Variants in LAMA1 observed in about 807,000 individuals in gnomAD.
The protein encoded by LAMA1 is laminin subunit alpha-1.
In LAMA1, 219 loss-of-function variants were observed where a neutral mutation model predicts 348.7. That is an observed-to-expected ratio of 0.63 (90% CI 0.56 to 0.70). The LOEUF is 0.70. Among genes scored for constraint, LAMA1 ranks in the 30% least tolerant of loss-of-function variants. LAMA1 has a pLI of 0.00. For synonymous variants in LAMA1, 1,487 were observed against 1,491.0 expected (o/e 1.00, Z 0.06); for missense variants, 3,744 against 3,888.0 (o/e 0.96, Z 0.99).
At chr18:7,064,993 T>C (rs1463431502) in intron 3 of LAMA1, among the ~76,000 whole-genome samples, 1 of 151,966 alleles carries the variant, frequency 6.6e-6, no homozygotes. Context: ...CCCAGCACTT[T>C]GGGAGGGGGG....
At chr18:7,086,497 G>A (rs899249643) in intron 1 of LAMA1, among the ~76,000 whole-genome samples, 5 of 152,012 alleles carry the variant, frequency 3.3e-5, no homozygotes, top group Non-Finnish European at 7.4e-5. Flanking sequence ...AACCCCAGGC[G>A]AATGTCTTTG....
intron 36 of LAMA1, among the ~76,000 whole-genome samples, chr18:6,990,358 G>A (rs1195739956): frequency 6.6e-6 from 1 of 152,034 alleles, no homozygotes; most frequent in Non-Finnish European, 1.5e-5. Flanking sequence ...GGAGGGGAGA[G>A]CCCCACAAAA....
chr18:7,068,705 T>C (rs1037872968), intron 3 of LAMA1, among the ~76,000 whole-genome samples: 12 of 152,258 alleles, frequency 7.9e-5, no homozygotes, highest in African/African-American at 2.6e-4. Context: ...CTGAGGTTTT[T>C]ATAAGCCATG....
chr18:7,079,578 T>C, intron 3 of LAMA1: 2 of 319,210 alleles, frequency 6.3e-6, no homozygotes, highest in Non-Finnish European at 6.1e-6. Context: ...ATAATCCTTA[T>C]ACAATAACTT....
chr18:7,036,869 A>G (rs1176851133), intron 12 of LAMA1, among the ~76,000 whole-genome samples: 1 of 152,172 alleles, frequency 6.6e-6, no homozygotes, highest in African/African-American at 2.4e-5. Flanking sequence ...ACAAAACCAA[A>G]AACCCGGGAA....
chr18:7,105,129 G>T (rs1344940083), intron 1 of LAMA1, among the ~76,000 whole-genome samples: 1 of 152,114 alleles, frequency 6.6e-6, no homozygotes, highest in Non-Finnish European at 1.5e-5. Context: ...AGTGCATAAT[G>T]AATTATCAAT....
chr18:7,117,079 C>G (rs1467016405), intron 1 of LAMA1, among the ~76,000 whole-genome samples: 1 of 152,144 alleles, frequency 6.6e-6, no homozygotes, highest in Non-Finnish European at 1.5e-5. Context: ...GGTCCCCCTG[C>G]CCGGGACGGC....
In LAMA1 at chr18:7,057,798, C is replaced by CT. The variant is rs544422864; in HGVS notation, c.346-6863dup. Among the ~76,000 whole-genome samples, 540 of 133,190 alleles carry CT rather than the reference C, an allele frequency of 4.1e-3. 1 individual carries two copies. The highest frequency in any genetic ancestry group is 6.1e-3 in the East Asian group (19 of 3,114). The allele number at this position is 133,190 out of a possible 152,430, so 87.4% of individuals were successfully genotyped here. A position where few individuals can be genotyped will look rare whatever the true frequency, so the allele number is the denominator to read the frequency against. ...CCAGCCCAAAATTCTTTCTTTCTTT[C>CT]TTTTTTTTTTTTTTGAGATAGAGTC... On this transcript the variant is annotated intron_variant, in intron 3 of 62. Transcript: ENST00000389658.
At chr18:6,962,414 A>G (rs1039418640) in intron 51 of LAMA1, among the ~76,000 whole-genome samples, 4 of 116,292 alleles carry the variant, frequency 3.4e-5, no homozygotes, top group Non-Finnish European at 6.6e-5. Flanking sequence ...CCTGCCCCCC[A>G]AAACAAGAAA....
At position 6,961,960 on chromosome 18, in the gene LAMA1, T is replaced by C; in HGVS notation, c.7437A>G (p.Lys2479=). ...DLLRNSYGVR[K]GCLLEPIRSV... ...TGTTTCCTACCTCCAGTAAACAGCC[T>C]TTTCTCACTCCATAGGAATTTCTGA... The change falls in exon 52 of 63, where the codon AAA becomes AAG. Residue 2479 remains lysine, a synonymous_variant. Transcript: ENST00000389658. The C allele has an allele frequency of 6.2e-7, 1 of 1,613,836 alleles. No homozygotes were observed. Among genetic ancestry groups the C allele is most frequent in the Non-Finnish European group, 8.5e-7 (1 of 1,179,698 alleles).
In LAMA1 at chr18:7,102,636, C is replaced by A. The variant is rs529157977; in HGVS notation, c.61+15024G>T. Reference sequence around the variant, plus strand: ...TACAGGTGTCTGAGACTTTCAGAAACAGAAACCGCTCCCAAATCTGAACTG... The same window carrying A: ...TACAGGTGTCTGAGACTTTCAGAAAAAGAAACCGCTCCCAAATCTGAACTG... On this transcript the variant is annotated intron_variant, in intron 1 of 62. Coordinates refer to ENST00000389658, the MANE Select transcript of LAMA1 (RefSeq NM_005559.4). Among the ~76,000 whole-genome samples, 26 of 152,270 alleles carry A rather than the reference C, an allele frequency of 1.7e-4. No homozygotes were observed. In the South Asian group the frequency reaches 5.4e-3, roughly 32 times the overall value.
At chr18:7,022,349 A>G (rs1309354580) in intron 19 of LAMA1, among the ~76,000 whole-genome samples, 5 of 152,250 alleles carry the variant, frequency 3.3e-5, no homozygotes, top group Admixed American at 1.3e-4. Flanking sequence ...TGCTGTTATC[A>G]TAATTATCCT....
chr18:6,985,456 G>A, intron 38 of LAMA1, 56 bp from the exon 39 acceptor site: 2 of 1,598,600 alleles, frequency 1.3e-6, no homozygotes, highest in African/African-American at 2.7e-5. Context: ...TAACAGATAT[G>A]TGTGCATATA....
intron 58 of LAMA1, among the ~76,000 whole-genome samples, chr18:6,949,699 C>A (rs192632070): frequency 1.3e-5 from 2 of 152,330 alleles, no homozygotes; most frequent in East Asian, 3.9e-4. Flanking sequence ...ACAGTCCCTT[C>A]CCGAAATGGG....
rs770351475 is a variant in LAMA1, at chr18:6,995,419, T to C, written c.4834A>G (p.Lys1612Glu). Residue 1612 changes from lysine (K) to glutamate (E), a missense_variant, in exon 34 of 63, where the codon AAG becomes GAG. Physicochemically the swap from Lys to Glu is moderately conservative, Grantham distance 56. Around this residue, in one of 3 missense-constraint regions of LAMA1, gnomAD observed 1,983 missense variants for 1,934.3 expected, o/e 1.03. Transcript: ENST00000389658. ...QESLLKENMQ[K>E]DLGKIKLEGV... is the part of the protein sequence containing the mutation. ...TCAAGCTTAATTTTTCCCAGGTCCT[T>C]TTGCATATTTTCTTTTAATAAAGAT... is the stretch of plus-strand genomic sequence containing the variant. The C allele has an allele frequency of 6.2e-7, 1 of 1,610,362 alleles. No homozygotes were observed. The highest frequency in any genetic ancestry group is 1.3e-5 in the African/African-American group (1 of 74,838).
chr18:7,055,856 C>A (rs979156137), intron 3 of LAMA1, among the ~76,000 whole-genome samples: 1 of 151,610 alleles, frequency 6.6e-6, no homozygotes, highest in Non-Finnish European at 1.5e-5. Context: ...CCGAGGCGGG[C>A]GGATCACGAG....
At chr18:6,962,413 C>A (rs481724) in intron 51 of LAMA1, among the ~76,000 whole-genome samples, 2 of 128,344 alleles carry the variant, frequency 1.6e-5, no homozygotes, top group African/African-American at 3.0e-5. Flanking sequence ...TCCTGCCCCC[C>A]AAAACAAGAA....
Position 6,941,984 on chromosome 18 carries a change from G to T in LAMA1, c.*95C>A. On this transcript the variant is annotated 3_prime_UTR_variant, in exon 63 of 63. Coordinates refer to ENST00000389658, the MANE Select transcript of LAMA1 (RefSeq NM_005559.4). ...TCCCCAGAAACACTTAACCTGAGTT[G>T]GAAATGAAATATGAACTGAAGAGAT... The T allele has an allele frequency of 6.7e-7, 1 of 1,495,914 alleles. No homozygotes were observed. The highest frequency in any genetic ancestry group is 9.3e-7 in the Non-Finnish European group (1 of 1,080,352). The allele number at this position is 1,495,914 out of a possible 1,614,324, so 92.7% of individuals were successfully genotyped here.
In LAMA1 at chr18:6,999,630, G is replaced by A. The variant is rs777290788; in HGVS notation, c.4478C>T (p.Ser1493Leu). 23 of 1,610,180 alleles carry A rather than the reference G, an allele frequency of 1.4e-5. No homozygotes were observed. Among genetic ancestry groups the A allele is most frequent in the African/African-American group, 1.2e-4 (9 of 74,820 alleles). Residue 1493 changes from serine (S) to leucine (L), a missense_variant, in exon 32 of 63, where the codon TCA (serine) becomes TTA (leucine). Around this residue, in one of 3 missense-constraint regions of LAMA1, gnomAD observed 1,983 missense variants for 1,934.3 expected, o/e 1.03. Coordinates refer to ENST00000389658, the MANE Select transcript of LAMA1 (RefSeq NM_005559.4). ...TGTTTGAGGGTTCCCATAATAGCTT[G>A]AGGAGCACCTACAGAAAGGAAGGGA... ...YEGKHCERCSSSYYGNPQTPG... is the reference protein window; with the variant it reads ...YEGKHCERCSLSYYGNPQTPG...
Sources: allele counts gnomAD v4.1 joint callset (sites outside exome capture counted in the v4.1 genomes callset), GRCh38; gene constraint gnomAD v4.1.1; regional missense constraint gnomAD v4.1.1; transcripts MANE v1.5; gene names NCBI Gene and HGNC (gene_info 2026-07-23, HGNC 2026-07-21).